The following ARID1B variants were observed in gnomAD, a reference collection of about 807,000 sequenced individuals.
ARID1B encodes AT-rich interaction domain 1B.
A neutral mutation model predicts 212.3 loss-of-function variants in ARID1B; 30 were observed. That is an observed-to-expected ratio of 0.14 (90% confidence interval 0.11 to 0.19). The LOEUF (loss-of-function observed/expected upper bound fraction) is 0.19. Ranked by LOEUF, ARID1B falls within the 10% of genes least tolerant of loss-of-function variation. The pLI, the probability that ARID1B is intolerant of heterozygous loss-of-function variation, is 1.00. For missense variants in ARID1B, 2,891 were observed against 3,204.0 expected (o/e 0.90, Z 2.36); for synonymous variants, 1,402 against 1,301.7 (o/e 1.08, Z -1.66).
intron 2 of ARID1B, 131 bp from the exon 3 acceptor site, chr6:156,901,241 GAAGA>G (rs1203283078): frequency 4.0e-6 from 4 of 1,008,376 alleles, no homozygotes; most frequent in Non-Finnish European, 4.4e-6. Flanking sequence ...TTTGTTTAAG[GAAGA>G]GAGGATTAGA....
At chr6:157,061,574 G>C (rs1234563737) in intron 4 of ARID1B, among the ~76,000 whole-genome samples, 1 of 126,572 alleles carries the variant, frequency 7.9e-6, no homozygotes, top group Admixed American at 7.9e-5. Flanking sequence ...GTCAGATTTA[G>C]AAAAAAAAAA....
intron 2 of ARID1B, among the ~76,000 whole-genome samples, chr6:156,871,070 G>A (rs370959332): frequency 6.6e-6 from 1 of 151,992 alleles, no homozygotes; most frequent in Non-Finnish European, 1.5e-5. Flanking sequence ...ACTAGAATCT[G>A]AGTGATTTTT....
At chr6:156,897,215 GCTGCTTCTTCTTCTT>G (rs1788501833) in intron 2 of ARID1B, among the ~76,000 whole-genome samples, 1 of 76,208 alleles carries the variant, frequency 1.3e-5, no homozygotes, top group East Asian at 3.8e-4. Context: ...TGCTGCTGCT[GCTGCTTCTTCTTCTT>G]CTTCTTCTTC....
intron 3 of ARID1B, among the ~76,000 whole-genome samples, chr6:156,904,006 T>C (rs962555559): frequency 1.3e-5 from 2 of 152,202 alleles, no homozygotes; most frequent in African/African-American, 4.8e-5. Context: ...AATCAATACA[T>C]TTATTGGTTT....
rs542562490 is a variant in ARID1B, at chr6:156,996,511, C to T, written c.2247+60935C>T. 2.6e-5 allele frequency among the ~76,000 whole-genome samples: 4 copies of T among 152,236 alleles called. No homozygotes were observed. In the South Asian group the frequency reaches 6.2e-4, roughly 24 times the overall value. On this transcript the variant is annotated intron_variant, in intron 4 of 19. Coordinates refer to ENST00000636930, the MANE Select transcript of ARID1B (RefSeq NM_001374828.1). ...TGTCTCTGGGCCTCCATTTGTTTCT[C>T]TTCAAAATGGGATAATATATACCCT...
chr6:157,059,450 G>C (rs1002799106), intron 4 of ARID1B, among the ~76,000 whole-genome samples: 2 of 152,138 alleles, frequency 1.3e-5, no homozygotes, highest in South Asian at 4.1e-4. Flanking sequence ...ATAGTATACT[G>C]CAGAATATGA....
chr6:156,826,479 A>T (rs1328571866), intron 1 of ARID1B, among the ~76,000 whole-genome samples: 1 of 152,224 alleles, frequency 6.6e-6, no homozygotes, highest in Non-Finnish European at 1.5e-5. Flanking sequence ...GTTGGGCACA[A>T]CGCACATAGT....
In ARID1B at chr6:156,779,075, CG is replaced by C; in HGVS notation, c.1400del (p.Gly467AlafsTer46). ...AGGGCGGCGGCATGATGATGGGCCCCGGGGGCGGCGGGGCCGCGAGCCTCAG... is the reference window on the plus strand; with the variant it reads ...AGGGCGGCGGCATGATGATGGGCCCCGGGGCGGCGGGGCCGCGAGCCTCAG... ...QQGGGMMMGP[G>X]GGGAASLSKA... On this transcript the variant is annotated frameshift_variant, in exon 1 of 20. Coordinates refer to ENST00000636930, the MANE Select transcript of ARID1B (RefSeq NM_001374828.1). LOFTEE classifies it high-confidence loss of function. 6 of 1,223,898 alleles carry C rather than the reference CG, an allele frequency of 4.9e-6. No individual in the cohort carries two copies. Among genetic ancestry groups the C allele is most frequent in the South Asian group, 3.6e-5 (1 of 27,804 alleles). 75.8% of individuals were successfully genotyped at this position (1,223,898 alleles called of 1,614,324 possible).
chr6:157,192,458 C>T (rs1489191816), intron 15 of ARID1B, among the ~76,000 whole-genome samples: 1 of 152,156 alleles, frequency 6.6e-6, no homozygotes, highest in Admixed American at 6.5e-5. Context: ...TATGCAGATA[C>T]TTCTCACCTT....
At chr6:157,099,138 G>C (rs1054538251) in intron 5 of ARID1B, among the ~76,000 whole-genome samples, 1 of 152,050 alleles carries the variant, frequency 6.6e-6, no homozygotes, top group African/African-American at 2.4e-5. Flanking sequence ...TGTAGAGACA[G>C]GGTTTTATCA....
chr6:157,018,014 C>T (rs1056238297), intron 4 of ARID1B, among the ~76,000 whole-genome samples: 4 of 150,288 alleles, frequency 2.7e-5, no homozygotes, highest in African/African-American at 9.8e-5. Flanking sequence ...TGCTTGTAGT[C>T]CCAGTTACTC....
At chr6:157,188,591 A>C (rs1380520556) in intron 13 of ARID1B, among the ~76,000 whole-genome samples, 3 of 152,216 alleles carry the variant, frequency 2.0e-5, no homozygotes, top group African/African-American at 7.2e-5. Flanking sequence ...AACGTTATTC[A>C]CAAGCAGCAG....
chr6:156,911,897 G>A (rs1045158451), intron 3 of ARID1B, among the ~76,000 whole-genome samples: 1 of 152,094 alleles, frequency 6.6e-6, no homozygotes, highest in Non-Finnish European at 1.5e-5. Context: ...AGAAATGAAA[G>A]TATAGAAGAC....
chr6:156,840,996 C>G (rs1783860775), intron 2 of ARID1B, among the ~76,000 whole-genome samples: 1 of 152,196 alleles, frequency 6.6e-6, no homozygotes, highest in Admixed American at 6.5e-5. Flanking sequence ...TTCAACAGTG[C>G]TTACTGAAGA....
Position 157,196,309 on chromosome 6 carries a change from A to G in ARID1B, c.4376A>G (p.Asp1459Gly), listed in dbSNP as rs1449257615. The change falls in exon 16 of 20, where the codon GAC becomes GGC. Residue 1459 changes from aspartate to glycine, a missense_variant. Transcript: ENST00000636930. ...CAGTTTCCCTATGGAGCCAGTTACG[A>G]CCGAAGGTGAGTATTTTTTAAGATG... Reference protein sequence around the residue: ...RQQFPYGASYDRRHEPYGQQY... With the variant: ...RQQFPYGASYGRRHEPYGQQY... 6.3e-7 allele frequency: 1 copy of G among 1,585,728 alleles called. No individual in the cohort carries two copies. The highest frequency in any genetic ancestry group is 1.2e-5 in the South Asian group (1 of 85,828).
chr6:156,809,895 CAT>C (rs903028528), intron 1 of ARID1B, among the ~76,000 whole-genome samples: 18 of 151,970 alleles, frequency 1.2e-4, no homozygotes, highest in African/African-American at 4.4e-4. Context: ...CACAGTTTGT[CAT>C]GTGGTCAGGT....
At chr6:157,103,673 A>G (rs1466000497) in intron 5 of ARID1B, among the ~76,000 whole-genome samples, 1 of 152,148 alleles carries the variant, frequency 6.6e-6, no homozygotes, top group Non-Finnish European at 1.5e-5. Context: ...TTTAGTTCTT[A>G]AAAGCTATTT....
chr6:156,921,605 A>T (rs1375207680), intron 3 of ARID1B, among the ~76,000 whole-genome samples: 1 of 152,164 alleles, frequency 6.6e-6, no homozygotes, highest in Non-Finnish European at 1.5e-5. Context: ...TACTAATTGG[A>T]TGCTAAGTTC....
chr6:156,854,511 A>T (rs1462323041), intron 2 of ARID1B, among the ~76,000 whole-genome samples: 1 of 152,206 alleles, frequency 6.6e-6, no homozygotes, highest in Non-Finnish European at 1.5e-5. Flanking sequence ...AGGCTCTGGG[A>T]TGTTAAGCTT....
Sources: allele counts gnomAD v4.1 joint callset (sites outside exome capture counted in the v4.1 genomes callset), GRCh38; gene constraint gnomAD v4.1.1; transcripts MANE v1.5; gene names NCBI Gene and HGNC (gene_info 2026-07-23, HGNC 2026-07-21).